FREM3: variants seen among roughly 807,000 people sequenced by gnomAD.
FREM3 encodes the protein FRAS1-related extracellular matrix protein 3.
Under a neutral mutation model 129.1 loss-of-function variants are expected in FREM3, and 105 were observed. The observed-to-expected ratio is 0.81, with a 90% CI of 0.69 to 0.96. The LOEUF (loss-of-function observed/expected upper bound fraction) is 0.96, where lower values mean the gene tolerates loss of function less well. Ranked by LOEUF, FREM3 falls within the 40% of genes least tolerant of loss-of-function variation. The probability of loss-of-function intolerance (pLI) is 0.00; values close to 1 mark genes in which losing one functional copy is unlikely to be tolerated. For missense variants in FREM3, 2,593 were observed against 2,666.3 expected (o/e 0.97, Z 0.61); for synonymous variants, 1,014 against 1,044.9 (o/e 0.97, Z 0.57).
At chr4:143,626,185 A>G (rs73852686) in intron 3 of FREM3, among the ~76,000 whole-genome samples, 2,317 of 152,308 alleles carry the variant, frequency 0.015, 51 homozygotes, top group African/African-American at 0.052. Flanking sequence ...CTTACGGAAC[A>G]GAAGGGCTGG....
intron 2 of FREM3, among the ~76,000 whole-genome samples, chr4:143,683,301 G>T (rs1396667272): frequency 6.6e-6 from 1 of 152,188 alleles, no homozygotes; most frequent in Non-Finnish European, 1.5e-5. Flanking sequence ...ACCCTCTGAA[G>T]GAAGCGGACT....
chr4:143,693,204 T>TAA lies in FREM3; in HGVS notation c.5186-4_5186-3dup. The TAA allele has an allele frequency of 2.1e-6, 3 of 1,445,378 alleles. No individual in the cohort carries two copies. The highest frequency in any genetic ancestry group is 9.2e-7 in the Non-Finnish European group (1 of 1,088,672). The allele number at this position is 1,445,378 out of a possible 1,614,324, so 89.5% of individuals were successfully genotyped here. On this transcript the variant is annotated splice_region_variant and splice_polypyrimidine_tract_variant and intron_variant, in intron 1 of 7. Coordinates refer to ENST00000329798, the MANE Select transcript of FREM3 (RefSeq NM_001168235.2). The stretch of plus-strand genomic sequence containing the variant: ...ATATCTTCATCTCATCAATGTCAGC[T>TAA]AAAAAAAAAGCAACCATCACACAAA...
intron 2 of FREM3, among the ~76,000 whole-genome samples, chr4:143,691,955 A>G (rs531893805): frequency 5.3e-5 from 8 of 152,200 alleles, no homozygotes; most frequent in Non-Finnish European, 1.0e-4. Flanking sequence ...ATGGTTCTTG[A>G]GAACTTGGGA....
At chr4:143,661,379 G>A (rs1175430906) in intron 2 of FREM3, among the ~76,000 whole-genome samples, 3 of 151,788 alleles carry the variant, frequency 2.0e-5, no homozygotes. Flanking sequence ...CTGTTTATAT[G>A]CTGGATTACA....
At chr4:143,586,040 G>T (rs1308686567) in intron 6 of FREM3, 47 bp from the exon 7 acceptor site, 1 of 1,525,472 alleles carries the variant, frequency 6.6e-7, no homozygotes, top group Non-Finnish European at 8.8e-7. Context: ...AGCCTGCCTG[G>T]TATACTGTCT....
intron 2 of FREM3, among the ~76,000 whole-genome samples, chr4:143,674,213 C>T (rs183376948): frequency 1.6e-3 from 246 of 152,208 alleles, no homozygotes; most frequent in African/African-American, 5.0e-3. Context: ...CTCTACAAGC[C>T]GGAAGAGAGT....
At position 143,611,324 on chromosome 4, in the gene FREM3, TGGCTCCCAGCTGTCCTCCCACTGGCA is replaced by T. The variant is rs986909035; in HGVS notation, c.5957_5982del (p.Leu1986GlnfsTer6). ...ATAGTCACCTTAGTGGTGGGGAATC[TGGCTCCCAGCTGTCCTCCCACTGGCA>T]GCCTAAGTGAAACGCTGAAGGATTC... is the stretch of plus-strand genomic sequence containing the variant. On this transcript the variant is annotated frameshift_variant, in exon 6 of 8. Coordinates refer to ENST00000329798, the MANE Select transcript of FREM3 (RefSeq NM_001168235.2). LOFTEE classifies it high-confidence loss of function. The T allele has an allele frequency of 7.2e-6, 11 of 1,536,988 alleles. No homozygotes were observed. In the African/African-American group the frequency reaches 1.4e-4, roughly 19 times the overall value.
chr4:143,640,348 T>C (rs936173304), intron 2 of FREM3, among the ~76,000 whole-genome samples: 1 of 152,288 alleles, frequency 6.6e-6, no homozygotes, highest in Non-Finnish European at 1.5e-5. Flanking sequence ...ATGACCTAAA[T>C]GTAGACTCAA....
At chr4:143,605,073 C>A (rs1310684225) in intron 6 of FREM3, among the ~76,000 whole-genome samples, 3 of 152,112 alleles carry the variant, frequency 2.0e-5, no homozygotes, top group African/African-American at 7.2e-5. Context: ...GTGAATGTCT[C>A]TTGAATGAAT....
At chr4:143,588,031 T>A (rs991747993) in intron 6 of FREM3, among the ~76,000 whole-genome samples, 1 of 152,148 alleles carries the variant, frequency 6.6e-6, no homozygotes, top group African/African-American at 2.4e-5. Context: ...GCAGTCCCTC[T>A]CTTTTGTTCA....
chr4:143,688,335 A>G lies in FREM3; in HGVS notation c.5275+4778T>C, dbSNP rs1174691993. On this transcript the variant is annotated intron_variant, in intron 2 of 7. Transcript: ENST00000329798. ...CTAACCAAGGAGTCAAAAGACCTCT[A>G]CAAGGAAAAGCACAAAACACTACTG... is the stretch of plus-strand genomic sequence containing the variant. 7.9e-5 allele frequency among the ~76,000 whole-genome samples: 12 copies of G among 152,348 alleles called. No individual in the cohort carries two copies. The South Asian group carries it at 2.1e-3, about 26-fold the overall frequency.
chr4:143,577,382 A>G lies in FREM3; in HGVS notation c.*229T>C, dbSNP rs1410117559. 4.0e-6 allele frequency: 2 copies of G among 503,094 alleles called. No homozygotes were observed. Among genetic ancestry groups the G allele is most frequent in the Non-Finnish European group, 6.9e-6 (2 of 290,008 alleles). 31.2% of individuals were successfully genotyped at this position (503,094 alleles called of 1,614,324 possible). ...AGAAACAAAGTAAAACAAAATAGAA[A>G]AAGAACATGAACACAGTCTAATTAT... On this transcript the variant is annotated 3_prime_UTR_variant, in exon 8 of 8. Transcript: ENST00000329798.
intron 3 of FREM3, among the ~76,000 whole-genome samples, chr4:143,625,817 G>A (rs1226767191): frequency 6.6e-6 from 1 of 152,206 alleles, no homozygotes; most frequent in Non-Finnish European, 1.5e-5. Context: ...GATTTTAATT[G>A]TGTTTGATGA....
chr4:143,661,668 C>A (rs1477436350), intron 2 of FREM3, among the ~76,000 whole-genome samples: 5 of 152,116 alleles, frequency 3.3e-5, no homozygotes, highest in Non-Finnish European at 7.4e-5. Context: ...GGAATGGTAC[C>A]AGTTCCTTCT....
chr4:143,644,203 G>A (rs773701041), intron 2 of FREM3, among the ~76,000 whole-genome samples: 6 of 151,802 alleles, frequency 4.0e-5, no homozygotes, highest in African/African-American at 1.2e-4. Context: ...GTGTGTGTGC[G>A]CGTGTGCATT....
At chr4:143,667,841 A>T (rs75397002) in intron 2 of FREM3, among the ~76,000 whole-genome samples, 12 of 152,308 alleles carry the variant, frequency 7.9e-5, no homozygotes, top group African/African-American at 2.9e-4. Flanking sequence ...CCCTCTCTTT[A>T]GTAGGATTTT....
chr4:143,651,683 G>A (rs892607746), intron 2 of FREM3, among the ~76,000 whole-genome samples: 1 of 152,026 alleles, frequency 6.6e-6, no homozygotes, highest in Non-Finnish European at 1.5e-5. Context: ...AAAAAGACTC[G>A]GCCAACACAC....
At chr4:143,679,295 C>G (rs1427907574) in intron 2 of FREM3, among the ~76,000 whole-genome samples, 1 of 152,228 alleles carries the variant, frequency 6.6e-6, no homozygotes, top group Non-Finnish European at 1.5e-5. Context: ...AATACTGTTC[C>G]TTACCATTCT....
intron 2 of FREM3, among the ~76,000 whole-genome samples, chr4:143,667,332 C>T (rs1009722412): frequency 9.2e-5 from 14 of 152,018 alleles, no homozygotes; most frequent in African/African-American, 3.4e-4. Flanking sequence ...TCTTTTCTCT[C>T]TTTAATTTAT....
Sources: gnomAD v4.1 joint callset for allele counts (sites outside exome capture counted in the v4.1 genomes callset) on GRCh38, gnomAD v4.1.1 for gene constraint, MANE v1.5 for transcripts, NCBI Gene and HGNC (gene_info 2026-07-23, HGNC 2026-07-21) for gene names.